AGBL4: variants seen among roughly 807,000 people sequenced by gnomAD.
The protein encoded by AGBL4 is cytosolic carboxypeptidase 6.
AGBL4 carries 58 observed loss-of-function variants against 66.4 expected under a neutral mutation model. The ratio of observed to expected loss-of-function variants is 0.87; its 90% CI spans 0.71 to 1.09. The LOEUF is 1.09. AGBL4 is among the 50% of genes least tolerant of loss of function. The probability of loss-of-function intolerance (pLI) is 0.00; values close to 1 mark genes in which losing one functional copy is unlikely to be tolerated. For synonymous variants in AGBL4, 234 were observed against 222.9 expected (o/e 1.05, Z -0.44); for missense variants, 579 against 631.0 (o/e 0.92, Z 0.88).
At chr1:48,670,403 G>A (rs1309296349) in intron 6 of AGBL4, among the ~76,000 whole-genome samples, 1 of 152,222 alleles carries the variant, frequency 6.6e-6, no homozygotes, top group East Asian at 1.9e-4. Context: ...CACTACACTG[G>A]GCTGCCTGGG....
intron 3 of AGBL4, among the ~76,000 whole-genome samples, chr1:49,689,924 C>G (rs1257921285): frequency 1.3e-5 from 2 of 152,072 alleles, no homozygotes; most frequent in Admixed American, 1.3e-4. Flanking sequence ...GAGAGCTTCA[C>G]CTGCTACAGA....
intron 3 of AGBL4, among the ~76,000 whole-genome samples, chr1:49,370,502 T>C (rs1220933090): frequency 6.6e-6 from 1 of 152,168 alleles, no homozygotes; most frequent in Non-Finnish European, 1.5e-5. Context: ...CAAATTATTG[T>C]GGGCAACCTC....
intron 6 of AGBL4, among the ~76,000 whole-genome samples, chr1:48,861,484 A>T (rs1647467556): frequency 6.6e-6 from 1 of 152,236 alleles, no homozygotes; most frequent in African/African-American, 2.4e-5. Flanking sequence ...AAACATTCAG[A>T]TTAAAAAATA....
At chr1:49,689,948 A>G (rs1202474382) in intron 3 of AGBL4, among the ~76,000 whole-genome samples, 1 of 152,136 alleles carries the variant, frequency 6.6e-6, no homozygotes, top group Non-Finnish European at 1.5e-5. Flanking sequence ...GTATTTCATG[A>G]GTTAACTGAT....
the AGBL4 span, among the ~76,000 whole-genome samples, chr1:48,522,857 C>A: frequency 1.3e-5 from 2 of 150,066 alleles, no homozygotes; most frequent in African/African-American, 4.9e-5. Flanking sequence ...ACCTGGGAGA[C>A]AGAGGTTGCA....
At chr1:49,714,262 C>T (rs1302355394) in intron 2 of AGBL4, among the ~76,000 whole-genome samples, 1 of 151,832 alleles carries the variant, frequency 6.6e-6, no homozygotes, top group Non-Finnish European at 1.5e-5. Context: ...GGATATATTG[C>T]ATAGGGATGA....
At chr1:49,520,789 C>T (rs1286712427) in intron 3 of AGBL4, among the ~76,000 whole-genome samples, 1 of 151,540 alleles carries the variant, frequency 6.6e-6, no homozygotes, top group African/African-American at 2.4e-5. Flanking sequence ...AGAAGTTTAT[C>T]ACTCACCAAA....
chr1:49,544,105 A>G (rs1157820619), intron 3 of AGBL4, among the ~76,000 whole-genome samples: 1 of 152,130 alleles, frequency 6.6e-6, no homozygotes. Context: ...CCAGCCCAAT[A>G]AATGCCCCGT....
At chr1:49,918,776 A>G (rs1157200786) in intron 1 of AGBL4, among the ~76,000 whole-genome samples, 1 of 152,130 alleles carries the variant, frequency 6.6e-6, no homozygotes, top group Non-Finnish European at 1.5e-5. Context: ...TGGCAGAGAC[A>G]CAAAAAAAGA....
intron 3 of AGBL4, among the ~76,000 whole-genome samples, chr1:49,373,763 A>G (rs1644415071): frequency 6.6e-6 from 1 of 152,122 alleles, no homozygotes; most frequent in African/African-American, 2.4e-5. Context: ...CCAGGATAAG[A>G]CACTATTAAA....
chr1:49,322,121 C>T (rs567882192), intron 3 of AGBL4, among the ~76,000 whole-genome samples: 6 of 152,250 alleles, frequency 3.9e-5, no homozygotes, highest in Admixed American at 2.0e-4. Context: ...CAAACCTTTC[C>T]TGATTAATGA....
At chr1:48,658,225 CAAG>C (rs1370979199) in intron 7 of AGBL4, among the ~76,000 whole-genome samples, 1 of 152,208 alleles carries the variant, frequency 6.6e-6, no homozygotes, top group East Asian at 1.9e-4. Flanking sequence ...TCCATGAAGA[CAAG>C]ATGCACAGAG....
chr1:48,698,157 G>A (rs1364249148), intron 6 of AGBL4, among the ~76,000 whole-genome samples: 1 of 152,210 alleles, frequency 6.6e-6, no homozygotes, highest in Admixed American at 6.5e-5. Flanking sequence ...GCTAAGCCTT[G>A]GTTTGGGGGT....
Position 49,697,374 on chromosome 1 carries a change from G to C in AGBL4, c.221C>G (p.Thr74Ser). Residue 74 changes from threonine (T) to serine (S), a missense_variant, in exon 3 of 14, where the codon ACC becomes AGC. Thr to Ser is a moderately conservative substitution (Grantham distance 58, BLOSUM62 1). Coordinates refer to ENST00000371839, the MANE Select transcript of AGBL4 (RefSeq NM_032785.4). Reference sequence around the variant, plus strand: ...CCAGACTCGGAAGCGTGGATTACAGGTGTCCGGCCTAATGAACAGATCATA... The same window carrying C: ...CCAGACTCGGAAGCGTGGATTACAGCTGTCCGGCCTAATGAACAGATCATA... ...FEYDLFIRPD[T>S]CNPRFRVWFN... 6.5e-7 allele frequency: 1 copy of C among 1,548,532 alleles called. No individual in the cohort carries two copies. Among genetic ancestry groups the C allele is most frequent in the Non-Finnish European group, 8.7e-7 (1 of 1,144,668 alleles).
At chr1:49,675,083 G>A (rs1646553615) in intron 3 of AGBL4, among the ~76,000 whole-genome samples, 2 of 152,176 alleles carry the variant, frequency 1.3e-5, no homozygotes, top group South Asian at 4.1e-4. Context: ...TAAGTTTCAG[G>A]CCTGAGATGT....
chr1:49,746,737 T>C (rs1007242331), intron 2 of AGBL4, among the ~76,000 whole-genome samples: 1 of 152,008 alleles, frequency 6.6e-6, no homozygotes, highest in Non-Finnish European at 1.5e-5. Flanking sequence ...GAAAATCAAT[T>C]CTTACTAGAT....
chr1:48,703,561 C>T (rs920519131), intron 6 of AGBL4, among the ~76,000 whole-genome samples: 1 of 152,034 alleles, frequency 6.6e-6, no homozygotes, highest in Non-Finnish European at 1.5e-5. Context: ...CTTTCAGATA[C>T]AAAGCAAGTA....
chr1:49,450,369 T>G (rs538542586), intron 3 of AGBL4, among the ~76,000 whole-genome samples: 2 of 152,034 alleles, frequency 1.3e-5, no homozygotes, highest in African/African-American at 2.4e-5. Flanking sequence ...AGAACAGAAC[T>G]CTTAGGAATA....
At chr1:49,349,487 A>G (rs1178133655) in intron 3 of AGBL4, among the ~76,000 whole-genome samples, 1 of 152,104 alleles carries the variant, frequency 6.6e-6, no homozygotes, top group African/African-American at 2.4e-5. Context: ...TTGAGATCTC[A>G]GTTCAAATAT....
Sources: allele counts gnomAD v4.1 joint callset (sites outside exome capture counted in the v4.1 genomes callset), GRCh38; gene constraint gnomAD v4.1.1; transcripts MANE v1.5; gene names NCBI Gene and HGNC (gene_info 2026-07-23, HGNC 2026-07-21).